The following MGAT5 variants were observed in gnomAD, a reference collection of about 807,000 sequenced individuals.
The protein encoded by MGAT5 is alpha-1,6-mannosylglycoprotein 6-beta-N-acetylglucosaminyltransferase.
In MGAT5, 30 loss-of-function variants were observed where a neutral mutation model predicts 94.3. The ratio of observed to expected loss-of-function variants is 0.32; its 90% CI spans 0.24 to 0.43. The LOEUF is 0.43. MGAT5 is among the 20% of genes least tolerant of loss of function. MGAT5 has a pLI of 1.00. For missense variants in MGAT5, 691 were observed against 905.5 expected (o/e 0.76, Z 3.04); for synonymous variants, 310 against 322.9 (o/e 0.96, Z 0.43).
chr2:134,225,142 C>T (rs1046945559), intron 1 of MGAT5, among the ~76,000 whole-genome samples: 2 of 151,472 alleles, frequency 1.3e-5, no homozygotes, highest in Non-Finnish European at 2.9e-5. Context: ...TCTCAAGGCA[C>T]CGCATCAGGC....
In MGAT5 at chr2:134,174,626, G is replaced by A. The variant is rs189148090; in HGVS notation, c.-143+54335G>A. ...ACATTTTCCTGTTGGCATCAAAGACGAATAATTTGAGACAAGTCATGGGAA... is the reference window on the plus strand; with the variant it reads ...ACATTTTCCTGTTGGCATCAAAGACAAATAATTTGAGACAAGTCATGGGAA... On this transcript the variant is annotated intron_variant, in intron 1 of 16. Coordinates refer to the MGAT5 transcript ENST00000409645. Among the ~76,000 whole-genome samples the A allele has an allele frequency of 1.1e-3, 161 of 152,344 alleles. 2 individuals carry two copies. Among genetic ancestry groups the A allele is most frequent in the South Asian group, 8.1e-3 (39 of 4,826 alleles).
chr2:134,204,549 G>T (rs936656817), intron 1 of MGAT5, among the ~76,000 whole-genome samples: 1 of 152,054 alleles, frequency 6.6e-6, no homozygotes, highest in Admixed American at 6.6e-5. Context: ...GTAGAGGGGA[G>T]AATTGGGCAC....
In MGAT5 at chr2:134,349,927, A is replaced by G; in HGVS notation, c.1235A>G (p.Tyr412Cys). 6.2e-7 allele frequency: 1 copy of G among 1,613,136 alleles called. No individual in the cohort carries two copies. Among genetic ancestry groups the G allele is most frequent in the Non-Finnish European group, 8.5e-7 (1 of 1,179,302 alleles). Residue 412 changes from tyrosine to cysteine, a missense_variant, in exon 9 of 16, where the codon TAT becomes TGT. Physicochemically the swap from Tyr to Cys is radical, Grantham distance 194. This residue lies in a region of MGAT5 where 121 missense variants were observed against 206.1 expected (regional missense o/e 0.59). Transcript: ENST00000281923. Reference protein sequence around the residue: ...GKWNLNPQQFYTMFPHTPDNS... With the variant: ...GKWNLNPQQFCTMFPHTPDNS... ...TGGAATCTGAACCCTCAGCAGTTTT[A>G]TACCATGTTCCGTGAGTATTCCTGT...
At chr2:134,121,971 T>A (rs1164714060) in intron 1 of MGAT5, among the ~76,000 whole-genome samples, 2 of 152,188 alleles carry the variant, frequency 1.3e-5, no homozygotes, top group African/African-American at 2.4e-5. Context: ...CATCTGAGAT[T>A]TGTGGTGAAT....
chr2:134,285,627 C>A (rs1684956959), intron 2 of MGAT5, among the ~76,000 whole-genome samples: 1 of 152,192 alleles, frequency 6.6e-6, no homozygotes, highest in Admixed American at 6.5e-5. Context: ...CTATATACTT[C>A]ATTCCTCCTT....
intron 10 of MGAT5, among the ~76,000 whole-genome samples, chr2:134,381,386 A>ATAAGATAAGATAAGATAAGAT: frequency 1.0e-5 from 1 of 95,336 alleles, no homozygotes; most frequent in Non-Finnish European, 2.1e-5. Flanking sequence ...GATAGATTAG[A>ATAAGATAAGATAAGATAAGAT]TAGATAGATA....
intron 4 of MGAT5, among the ~76,000 whole-genome samples, chr2:134,332,609 A>G (rs4954135): frequency 1 from 151,540 of 152,118 alleles, 75,482 homozygotes; most frequent in East Asian, 1. Context: ...AAACTAAAGA[A>G]CTTCTGCACA....
At chr2:134,275,171 G>T (rs1325237955) in intron 2 of MGAT5, among the ~76,000 whole-genome samples, 1 of 152,192 alleles carries the variant, frequency 6.6e-6, no homozygotes, top group Non-Finnish European at 1.5e-5. Context: ...GTCAGATACT[G>T]GTATGTCAGT....
At chr2:134,131,601 T>A (rs984776315) in intron 1 of MGAT5, among the ~76,000 whole-genome samples, 92 of 93,120 alleles carry the variant, frequency 9.9e-4, no homozygotes, top group Non-Finnish European at 1.1e-3. Flanking sequence ...TTTTTTTTTT[T>A]ACTATTGGCC....
chr2:134,349,512 A>T (rs1359191482), intron 8 of MGAT5, among the ~76,000 whole-genome samples: 2 of 152,188 alleles, frequency 1.3e-5, no homozygotes, highest in Admixed American at 1.3e-4. Flanking sequence ...GGCAGTCCCC[A>T]GTTCAAGCTT....
chr2:134,359,788 T>C (rs1679966068), intron 9 of MGAT5, among the ~76,000 whole-genome samples: 1 of 152,198 alleles, frequency 6.6e-6, no homozygotes, highest in Admixed American at 6.5e-5. Flanking sequence ...GCTTTTGATT[T>C]ATTATAAGCA....
chr2:134,162,564 G>A (rs1251233856), intron 1 of MGAT5, among the ~76,000 whole-genome samples: 1 of 152,174 alleles, frequency 6.6e-6, no homozygotes, highest in Non-Finnish European at 1.5e-5. Flanking sequence ...TACCATTGAG[G>A]GTAATACAGC....
At chr2:134,399,963 A>G (rs1158041352) in intron 10 of MGAT5, among the ~76,000 whole-genome samples, 1 of 152,228 alleles carries the variant, frequency 6.6e-6, no homozygotes, top group East Asian at 1.9e-4. Context: ...AATATCCTGC[A>G]TCTTAAACAC....
chr2:134,443,087 T>C (rs374546792), intron 15 of MGAT5, among the ~76,000 whole-genome samples: 1 of 152,184 alleles, frequency 6.6e-6, no homozygotes, highest in Non-Finnish European at 1.5e-5. Flanking sequence ...TATCCTTAAG[T>C]GTGGTATAAA....
intron 15 of MGAT5, 57 bp downstream of exon 15, chr2:134,441,972 T>C: frequency 1.3e-6 from 2 of 1,585,094 alleles, no homozygotes; most frequent in Non-Finnish European, 1.7e-6. Context: ...CTGGCCTTGT[T>C]GGGTAGTCAG....
rs958906259 is a variant in MGAT5, at chr2:134,440,940, A to G, written c.1870-818A>G. Reference sequence around the variant, plus strand: ...TGTGTGTATAGCTCACATTTGTTTCAATGTTTAATATTAGAAGTGTTTTGG... The same window carrying G: ...TGTGTGTATAGCTCACATTTGTTTCGATGTTTAATATTAGAAGTGTTTTGG... On this transcript the variant is annotated intron_variant, in intron 14 of 15. Coordinates refer to ENST00000281923, the MANE Select transcript of MGAT5 (RefSeq NM_002410.5). Among the ~76,000 whole-genome samples the G allele has an allele frequency of 4.6e-5, 7 of 152,064 alleles. No homozygotes were observed. In the East Asian group the frequency reaches 1.2e-3, roughly 25 times the overall value.
chr2:134,276,399 A>C (rs992189443), intron 2 of MGAT5, among the ~76,000 whole-genome samples: 2 of 152,230 alleles, frequency 1.3e-5, no homozygotes, highest in Non-Finnish European at 2.9e-5. Context: ...GGTACAAAGT[A>C]GTCTTAGAGA....
At chr2:134,148,762 T>G (rs929188691) in intron 1 of MGAT5, among the ~76,000 whole-genome samples, 1 of 146,654 alleles carries the variant, frequency 6.8e-6, no homozygotes, top group Non-Finnish European at 1.5e-5. Flanking sequence ...TTCTTAGGTT[T>G]TTTTTTTTTT....
intron 14 of MGAT5, among the ~76,000 whole-genome samples, chr2:134,432,924 G>A (rs575174916): frequency 1.3e-5 from 2 of 152,318 alleles, no homozygotes; most frequent in South Asian, 2.1e-4. Context: ...TTTCAAACTG[G>A]CTCACTGAGG....
Sources: allele counts gnomAD v4.1 joint callset (sites outside exome capture counted in the v4.1 genomes callset), GRCh38; gene constraint gnomAD v4.1.1; regional missense constraint gnomAD v4.1.1; transcripts MANE v1.5; gene names NCBI Gene and HGNC (gene_info 2026-07-23, HGNC 2026-07-21).